Variants in FYB1 observed in about 807,000 individuals in gnomAD.
FYB1 encodes FYN-binding protein 1.
A neutral mutation model predicts 94.1 loss-of-function variants in FYB1; 41 were observed. The ratio of observed to expected loss-of-function variants is 0.44; its 90% confidence interval spans 0.34 to 0.57. FYB1 has a LOEUF of 0.57. Among genes scored for constraint, FYB1 ranks in the 20% least tolerant of loss-of-function variants. FYB1 has a pLI of 0.02. For missense variants in FYB1, 1,050 were observed against 976.8 expected (o/e 1.07, Z -1.00); for synonymous variants, 367 against 353.2 (o/e 1.04, Z -0.44).
upstream of FYB1, among the ~76,000 whole-genome samples, chr5:39,221,723 G>T (rs115129119): frequency 8.8e-3 from 1,342 of 152,290 alleles, 14 homozygotes; most frequent in African/African-American, 0.031. Context: ...TCCACTGGGT[G>T]AGGTGGCTCA....
At chr5:39,267,726 T>C (rs964574149) in intron 1 of FYB1, among the ~76,000 whole-genome samples, 3 of 152,210 alleles carry the variant, frequency 2.0e-5, no homozygotes, top group Admixed American at 6.5e-5. Context: ...ATAATTGCAC[T>C]GAGAAATTCA....
At chr5:39,194,443 T>C (rs1747646754) in intron 2 of FYB1, among the ~76,000 whole-genome samples, 1 of 151,980 alleles carries the variant, frequency 6.6e-6, no homozygotes, top group Non-Finnish European at 1.5e-5. Flanking sequence ...GAGGGATTTG[T>C]GCCCAGGAGT....
chr5:39,274,152 T>G (rs914956465), intron 1 of FYB1, among the ~76,000 whole-genome samples: 25 of 152,220 alleles, frequency 1.6e-4, no homozygotes, highest in Non-Finnish European at 2.8e-4. Context: ...CTTGAACTCC[T>G]TACCTTATGA....
intron 1 of FYB1, chr5:39,270,614 G>T: frequency 6.5e-7 from 1 of 1,532,232 alleles, no homozygotes. Flanking sequence ...CAATGACCCC[G>T]AAGATGGTGC....
chr5:39,269,426 C>T (rs564920354), intron 1 of FYB1, among the ~76,000 whole-genome samples: 4 of 152,332 alleles, frequency 2.6e-5, no homozygotes, highest in African/African-American at 9.6e-5. Flanking sequence ...AGTCTCACTC[C>T]CACCTGAGCC....
rs1472805159 is a variant in FYB1, at chr5:39,106,590, AGT to A, written c.*851_*852del. 3 of 152,136 alleles carry A rather than the reference AGT, an allele frequency of 2.0e-5. No homozygotes were observed. Among genetic ancestry groups the A allele is most frequent in the Non-Finnish European group, 4.4e-5 (3 of 68,004 alleles). The allele number at this position is 152,136 out of a possible 1,614,324, so 9.4% of individuals were successfully genotyped here. On this transcript the variant is annotated 3_prime_UTR_variant, in exon 19 of 19. Coordinates refer to ENST00000512982, the MANE Select transcript of FYB1 (RefSeq NM_001465.6). ...TGAAACAAAAACAAAAACTTTAAAAAGTGTCTTCATTATAAAGAGGTGCCATG... is the reference window on the plus strand; with the variant it reads ...TGAAACAAAAACAAAAACTTTAAAAAGTCTTCATTATAAAGAGGTGCCATG...
Position 39,107,401 on chromosome 5 carries a change from A to G in FYB1, c.*42T>C. The G allele has an allele frequency of 7.0e-7, 1 of 1,435,728 alleles. No homozygotes were observed. Among genetic ancestry groups the G allele is most frequent in the Non-Finnish European group, 9.3e-7 (1 of 1,074,678 alleles). 88.9% of individuals were successfully genotyped at this position (1,435,728 alleles called of 1,614,324 possible). A position where few individuals can be genotyped will look rare whatever the true frequency, so the allele number is the denominator to read the frequency against. ...ATGCCAATTAAAATCCAGACTTCAC[A>G]TTGGCACCTAATGAACACAGCAGAA... is the stretch of plus-strand genomic sequence containing the variant. On this transcript the variant is annotated 3_prime_UTR_variant, in exon 19 of 19. Transcript: ENST00000512982.
chr5:39,254,873 G>A (rs1217644137), intron 1 of FYB1, among the ~76,000 whole-genome samples: 1 of 152,114 alleles, frequency 6.6e-6, no homozygotes, highest in East Asian at 1.9e-4. Flanking sequence ...AAGAAAGTTG[G>A]AACCAAACAT....
Position 39,254,080 on chromosome 5 carries a change from T to C in FYB1, c.-28+20323A>G, listed in dbSNP as rs962265317. Reference sequence around the variant, plus strand: ...ATGGTGTATATGTACCACGTTTTCTTTATCCAGCCTACCACTGATGGGCAT... The same window carrying C: ...ATGGTGTATATGTACCACGTTTTCTCTATCCAGCCTACCACTGATGGGCAT... On this transcript the variant is annotated intron_variant, in intron 1 of 1. Coordinates refer to the FYB1 transcript ENST00000510188. Among the ~76,000 whole-genome samples, 10 of 152,334 alleles carry C rather than the reference T, an allele frequency of 6.6e-5. No homozygotes were observed. In the South Asian group the frequency reaches 8.3e-4, roughly 13 times the overall value.
chr5:39,126,272 T>C (rs1281720129), intron 11 of FYB1, 137 bp from the exon 12 acceptor site: 23 of 895,506 alleles, frequency 2.6e-5, no homozygotes, highest in Non-Finnish European at 3.4e-5. Flanking sequence ...CTCATTTTAT[T>C]GGACAAAATA....
chr5:39,218,668 GT>G (rs775138589), intron 1 of FYB1, among the ~76,000 whole-genome samples: 1 of 152,168 alleles, frequency 6.6e-6, no homozygotes, highest in Non-Finnish European at 1.5e-5. Context: ...ACACAGAGAG[GT>G]TAAGTGGCTC....
intron 1 of FYB1, 94 bp downstream of exon 1, chr5:39,219,349 A>G (rs1470601704): frequency 1.3e-6 from 1 of 755,458 alleles, no homozygotes; most frequent in Non-Finnish European, 1.6e-6. Flanking sequence ...CAGCTAGCAC[A>G]GTCTGTGCTG....
At chr5:39,259,385 A>C (rs1209151116) in intron 1 of FYB1, among the ~76,000 whole-genome samples, 2 of 152,260 alleles carry the variant, frequency 1.3e-5, no homozygotes, top group Non-Finnish European at 2.9e-5. Context: ...CGAAATGTCC[A>C]GAATTACTGT....
At chr5:39,268,567 ATT>A (rs900391335) in intron 1 of FYB1, among the ~76,000 whole-genome samples, 1 of 148,242 alleles carries the variant, frequency 6.7e-6, no homozygotes, top group African/African-American at 2.5e-5. Flanking sequence ...AATATGTGTT[ATT>A]TTTTTTTTCT....
chr5:39,261,363 CACACACACAA>C (rs1206313426), intron 1 of FYB1, among the ~76,000 whole-genome samples: 1 of 145,808 alleles, frequency 6.9e-6, no homozygotes, highest in African/African-American at 2.6e-5. Flanking sequence ...CACACACACA[CACACACACAA>C]AGAAATTGTT....
chr5:39,134,414 A>C, intron 8 of FYB1, 65 bp from the exon 9 acceptor site: 1 of 1,297,472 alleles, frequency 7.7e-7, no homozygotes, highest in Non-Finnish European at 1.1e-6. Context: ...GTTGTGAATA[A>C]AATATCAATT....
intron 2 of FYB1, among the ~76,000 whole-genome samples, chr5:39,178,629 C>T (rs1322768322): frequency 2.0e-5 from 3 of 151,952 alleles, no homozygotes; most frequent in African/African-American, 7.3e-5. Context: ...GGTAAAATAT[C>T]CAAATAAAGT....
chr5:39,205,847 A>T (rs2047368372), intron 1 of FYB1, among the ~76,000 whole-genome samples: 1 of 152,204 alleles, frequency 6.6e-6, no homozygotes, highest in Non-Finnish European at 1.5e-5. Flanking sequence ...CTACATCTTT[A>T]AAATGAGAAT....
intron 15 of FYB1, 36 bp downstream of exon 15, chr5:39,119,499 G>T: frequency 7.0e-7 from 1 of 1,424,314 alleles, no homozygotes; most frequent in Non-Finnish European, 9.4e-7. Flanking sequence ...TTTCAATAGT[G>T]CTTTGTACTT....
Sources: gnomAD v4.1 joint callset for allele counts (sites outside exome capture counted in the v4.1 genomes callset) on GRCh38, gnomAD v4.1.1 for gene constraint, MANE v1.5 for transcripts, NCBI Gene and HGNC (gene_info 2026-07-23, HGNC 2026-07-21) for gene names.